The following TYK2 variants were observed in gnomAD, a reference collection of about 807,000 sequenced individuals.
TYK2 encodes non-receptor tyrosine-protein kinase TYK2.
Under a neutral mutation model 130.9 loss-of-function variants are expected in TYK2, and 65 were observed. The ratio of observed to expected loss-of-function variants is 0.50; its 90% CI spans 0.41 to 0.61. The LOEUF (loss-of-function observed/expected upper bound fraction) is 0.61, where lower values mean the gene tolerates loss of function less well. TYK2 is among the 20% of genes least tolerant of loss of function. The pLI, the probability that TYK2 is intolerant of heterozygous loss-of-function variation, is 0.00. For synonymous variants in TYK2, 647 were observed against 658.9 expected, an observed-to-expected ratio of 0.98 and a Z score of 0.28; for missense variants, 1,378 against 1,610.7, an observed-to-expected ratio of 0.86 and a Z score of 2.47.
chr19:10,362,385 C>A lies in TYK2; in HGVS notation c.1548G>T (p.Leu516=), dbSNP rs748194809. ...PIEQQDGAFV[L]EGWGRSFPSV... ...TGGGGAAGGACCGGCCCCAGCCCTC[C>A]AGCACGAAGGCCCCGTCCTGCTGCT... The change falls in exon 11 of 25, where the codon CTG becomes CTT. Residue 516 remains leucine (L), a synonymous_variant. Transcript: ENST00000525621. 6.2e-7 allele frequency: 1 copy of A among 1,613,886 alleles called. No homozygotes were observed. The highest frequency in any genetic ancestry group is 8.5e-7 in the Non-Finnish European group (1 of 1,179,920).
chr19:10,358,758 T>C (rs2041239637), intron 15 of TYK2, among the ~76,000 whole-genome samples: 1 of 151,850 alleles, frequency 6.6e-6, no homozygotes, highest in Non-Finnish European at 1.5e-5. Context: ...ACCTGGCTAT[T>C]TGTTTATTTT....
At chr19:10,357,942 A>G (rs777375035) in intron 16 of TYK2, 24 bp from the exon 17 acceptor site, 4 of 1,613,488 alleles carry the variant, frequency 2.5e-6, no homozygotes, top group Admixed American at 1.7e-5. Context: ...GTCAGAGGTC[A>G]CCAAGGGTGA....
At chr19:10,367,264 C>A (rs376745802) in intron 5 of TYK2, among the ~76,000 whole-genome samples, 178 of 152,090 alleles carry the variant, frequency 1.2e-3, no homozygotes, top group South Asian at 4.2e-3. Context: ...CAGCATACAC[C>A]CCTCCTCTTG....
chr19:10,353,619 T>TC lies in TYK2; in HGVS notation c.2935dup (p.Glu979GlyfsTer99). ...TCGGAGGCTGCCCAGGGGCACGTAC[T>TC]CCATGACCAGCTGCAGCGACTTCTC... On this transcript the variant is annotated frameshift_variant, in exon 21 of 25. Coordinates refer to ENST00000525621, the MANE Select transcript of TYK2 (RefSeq NM_003331.5). LOFTEE classifies it high-confidence loss of function. The surrounding 1 kb of genome is among the most constrained non-coding windows in gnomAD (Gnocchi z 6.9). The TC allele has an allele frequency of 6.8e-7, 1 of 1,474,590 alleles. No individual in the cohort carries two copies. Among genetic ancestry groups the TC allele is most frequent in the Non-Finnish European group, 9.0e-7 (1 of 1,112,042 alleles). The allele number at this position is 1,474,590 out of a possible 1,614,324, so 91.3% of individuals were successfully genotyped here. A position where few individuals can be genotyped will look rare whatever the true frequency, so the allele number is the denominator to read the frequency against.
chr19:10,374,379 T>C (rs1345860148), intron 3 of TYK2, among the ~76,000 whole-genome samples: 1 of 149,266 alleles, frequency 6.7e-6, no homozygotes, highest in South Asian at 2.1e-4. Flanking sequence ...AGGTCAGGAG[T>C]TCGAGACCAG....
chr19:10,358,061 G>A lies in TYK2; in HGVS notation c.2253C>T (p.Thr751=), dbSNP rs989764629. The change falls in exon 16 of 25, where the codon ACC becomes ACT. Residue 751 remains threonine, a synonymous_variant. Coordinates refer to ENST00000525621, the MANE Select transcript of TYK2 (RefSeq NM_003331.5). The part of the protein sequence containing the change: ...LLARLGLAEG[T]SPFIKLSDPG... ...GATCACTCAGCTTGATGAAGGGGCT[G>A]GTGCCCTCTGCCAACCCCAGCCGGG... 1.2e-6 allele frequency: 2 copies of A among 1,613,124 alleles called. No individual in the cohort carries two copies. The highest frequency in any genetic ancestry group is 1.3e-5 in the African/African-American group (1 of 74,900).
At chr19:10,358,587 C>T (rs998580650) in intron 15 of TYK2, among the ~76,000 whole-genome samples, 1 of 151,940 alleles carries the variant, frequency 6.6e-6, no homozygotes, top group African/African-American at 2.4e-5. Context: ...CTGAGTACCT[C>T]GGCCTACAGG....
intron 2 of TYK2, among the ~76,000 whole-genome samples, chr19:10,379,335 TATAAATAA>T (rs958864934): frequency 1.3e-5 from 2 of 150,192 alleles, no homozygotes; most frequent in Non-Finnish European, 3.0e-5. Context: ...ACTCTAAAAA[TATAAATAA>T]ATAAATAAAT....
At chr19:10,355,505 TG>T (rs1487380929) in intron 18 of TYK2, among the ~76,000 whole-genome samples, 1 of 150,534 alleles carries the variant, frequency 6.6e-6, no homozygotes, top group African/African-American at 2.4e-5. Flanking sequence ...CTGGGTGTGG[TG>T]GTGGACGCCT....
chr19:10,371,087 T>A (rs964902103), intron 3 of TYK2, among the ~76,000 whole-genome samples: 1 of 151,906 alleles, frequency 6.6e-6, no homozygotes, highest in Non-Finnish European at 1.5e-5. Flanking sequence ...TGCCTCAGCC[T>A]CCCAAGGAGC....
In TYK2 at chr19:10,379,429, A is replaced by C. The variant is rs149379547; in HGVS notation, c.-21+186T>G. On this transcript the variant is annotated intron_variant, in intron 2 of 24. Transcript: ENST00000525621. ...TGTAATCCCAGCACTTTGGGAGGCC[A>C]AGGCGGACAGATCACGAGGTCTGGA... 1.1e-3 allele frequency among the ~76,000 whole-genome samples: 171 copies of C among 150,838 alleles called. 3 individuals carry two copies. In the East Asian group the frequency reaches 0.027, roughly 24 times the overall value.
rs764428779 is a variant in TYK2 at position 10,364,684 on chromosome 19, A to T, written c.1297T>A (p.Tyr433Asn). Residue 433 changes from tyrosine to asparagine, a missense_variant, in exon 9 of 25, where the codon TAC becomes AAC. Physicochemically the swap from Tyr to Asn is moderately radical, Grantham distance 143. Coordinates refer to ENST00000525621, the MANE Select transcript of TYK2 (RefSeq NM_003331.5). This position sits in a 1 kb window ranked among gnomAD's most constrained non-coding sequence, Gnocchi z 4.9. ...YFRLTADSSH[Y>N]LCHEVAPPRL... Reference sequence around the variant, plus strand: ...GGGGGAGCCACCTCGTGGCACAGGTAGTGGCTGGAGTCGGCCGTCAGGCGG... The same window carrying T: ...GGGGGAGCCACCTCGTGGCACAGGTTGTGGCTGGAGTCGGCCGTCAGGCGG... 2 of 1,613,784 alleles carry T rather than the reference A, an allele frequency of 1.2e-6. No homozygotes were observed. Among genetic ancestry groups the T allele is most frequent in the Non-Finnish European group, 1.7e-6 (2 of 1,179,984 alleles).
In TYK2 at chr19:10,379,344, A is replaced by G. The variant is rs116346161; in HGVS notation, c.-21+271T>C. On this transcript the variant is annotated intron_variant, in intron 2 of 24. Transcript: ENST00000525621. ...ACCCTGACTCTAAAAATATAAATAA[A>G]TAAATAAATAAATAAGTAATAAAAA... Among the ~76,000 whole-genome samples the G allele has an allele frequency of 6.9e-3, 1,036 of 150,384 alleles. 15 individuals carry two copies. The highest frequency in any genetic ancestry group is 0.024 in the African/African-American group (971 of 41,206).
intron 9 of TYK2, among the ~76,000 whole-genome samples, chr19:10,363,187 C>CTTTTTTT (rs942594471): frequency 1.6e-5 from 2 of 127,704 alleles, no homozygotes; most frequent in African/African-American, 5.9e-5. Context: ...CCTGATCTCT[C>CTTTTTTT]TTTTTTTTTT....
chr19:10,356,866 A>T, intron 17 of TYK2, 148 bp from the exon 18 acceptor site: 1 of 804,546 alleles, frequency 1.2e-6, no homozygotes. Context: ...AGGCTCCACA[A>T]AGTGGGAGGA....
In TYK2 at chr19:10,354,186, C is replaced by G. The variant is rs1201082056; in HGVS notation, c.2764G>C (p.Gly922Arg). The change falls in exon 20 of 25, where the codon GGC becomes CGC. Residue 922 changes from glycine to arginine, a missense_variant. Physicochemically the swap from Gly to Arg is moderately radical, Grantham distance 125 (BLOSUM62 -2). Transcript: ENST00000525621. ...SLYCYDPTND[G>R]TGEMVAVKAL... ...TTCACCGCCACCATCTCGCCAGTGC[C>G]GTCGTTGGTCGGATCGTAGCAGTAC... The G allele has an allele frequency of 2.5e-6, 4 of 1,613,660 alleles. No homozygotes were observed. The highest frequency in any genetic ancestry group is 2.5e-6 in the Non-Finnish European group (3 of 1,180,038).
chr19:10,357,549 C>T lies in TYK2; in HGVS notation c.2466+215G>A, dbSNP rs1471960244. The T allele has an allele frequency of 4.1e-6, 3 of 735,802 alleles. No individual in the cohort carries two copies. The African/African-American group carries it at 5.2e-5, about 13-fold the overall frequency. 45.6% of individuals were successfully genotyped at this position (735,802 alleles called of 1,614,324 possible). A position where few individuals can be genotyped will look rare whatever the true frequency, so the allele number is the denominator to read the frequency against. On this transcript the variant is annotated intron_variant, in intron 17 of 24. Coordinates refer to ENST00000525621, the MANE Select transcript of TYK2 (RefSeq NM_003331.5). Reference sequence around the variant, plus strand: ...CCTAAAACTGAAATCAAGTCTCTTACTTGCCTTCTGTGTGCCAGGCACAAG... The same window carrying T: ...CCTAAAACTGAAATCAAGTCTCTTATTTGCCTTCTGTGTGCCAGGCACAAG...
chr19:10,378,065 G>A lies in TYK2; in HGVS notation c.193+149C>T. ...GGATGGGTGGTTGGGAGGGTGGATG[G>A]GTGGGTGGATGGGTGGATGGATGGA... On this transcript the variant is annotated intron_variant, in intron 3 of 24. Transcript: ENST00000525621. 3 of 775,158 alleles carry A rather than the reference G, an allele frequency of 3.9e-6. No homozygotes were observed. In the South Asian group the frequency reaches 5.0e-5, roughly 13 times the overall value. 48.0% of individuals were successfully genotyped at this position (775,158 alleles called of 1,614,324 possible).
At chr19:10,370,124 G>T (rs1441912435) in intron 3 of TYK2, among the ~76,000 whole-genome samples, 1 of 152,038 alleles carries the variant, frequency 6.6e-6, no homozygotes, top group Non-Finnish European at 1.5e-5. Flanking sequence ...CACTTTGGGA[G>T]TCTGAGGCAG....
Sources: gnomAD v4.1 joint callset for allele counts (sites outside exome capture counted in the v4.1 genomes callset) on GRCh38, gnomAD v4.1.1 for gene constraint, Gnocchi (gnomAD v3.1) non-coding constraint, MANE v1.5 for transcripts, NCBI Gene and HGNC (gene_info 2026-07-23, HGNC 2026-07-21) for gene names.